SLC26A3: variants seen among roughly 807,000 people sequenced by gnomAD.
SLC26A3 encodes the protein solute carrier family 26 member 3.
Under a neutral mutation model 85.6 loss-of-function variants are expected in SLC26A3, and 64 were observed. That is an observed-to-expected ratio of 0.75 (90% CI 0.61 to 0.92). The LOEUF (loss-of-function observed/expected upper bound fraction) is 0.92. Ranked by LOEUF, SLC26A3 falls within the 40% of genes least tolerant of loss-of-function variation. The pLI is 0.00. For synonymous variants in SLC26A3, 349 were observed against 336.0 expected, an observed-to-expected ratio of 1.04 and a Z score of -0.42; for missense variants, 922 against 927.3, an observed-to-expected ratio of 0.99 and a Z score of 0.07.
At chr7:107,796,726 G>T (rs573257165) in intron 1 of SLC26A3, among the ~76,000 whole-genome samples, 5 of 148,574 alleles carry the variant, frequency 3.4e-5, no homozygotes, top group Non-Finnish European at 7.4e-5. Flanking sequence ...AGGGTATCTG[G>T]AATATCTTAT....
intron 11 of SLC26A3, among the ~76,000 whole-genome samples, chr7:107,782,364 G>A (rs1794226857): frequency 6.6e-6 from 1 of 152,166 alleles, no homozygotes; most frequent in African/African-American, 2.4e-5. Flanking sequence ...TGTTGGTCTT[G>A]GAGTTAAACC....
chr7:107,790,767 A>G (rs1346108282), intron 5 of SLC26A3, among the ~76,000 whole-genome samples: 4 of 151,690 alleles, frequency 2.6e-5, no homozygotes, highest in Non-Finnish European at 5.9e-5. Context: ...ATCAATTCCC[A>G]GATATATGTT....
chr7:107,790,896 GA>G, intron 5 of SLC26A3, 151 bp downstream of exon 5: 1 of 812,156 alleles, frequency 1.2e-6, no homozygotes, highest in Non-Finnish European at 2.1e-6. Flanking sequence ...TGTGGTGAGT[GA>G]CCCTTCGTAC....
chr7:107,786,806 C>A (rs781523862), intron 8 of SLC26A3, 21 bp downstream of exon 8: 49 of 1,596,724 alleles, frequency 3.1e-5, no homozygotes, highest in Non-Finnish European at 3.6e-5. Context: ...ATGGTGATGC[C>A]ATCATCGAAG....
chr7:107,782,803 T>C lies in SLC26A3; in HGVS notation c.1305A>G (p.Leu435=). 1 of 1,613,860 alleles carries C rather than the reference T, an allele frequency of 6.2e-7. No individual in the cohort carries two copies. Among genetic ancestry groups the C allele is most frequent in the Non-Finnish European group, 8.5e-7 (1 of 1,179,778 alleles). ...TATCCAAAGACAGTGTTACCTTTTG[T>C]AGAGGCGCCAGGAGAAATCCAATGG... ...VLAIGFLLAP[L]QKSVLAALAL... is the part of the protein sequence containing the mutation. Residue 435 remains leucine, a synonymous_variant, in exon 11 of 21, where the codon CTA becomes CTG. Coordinates refer to ENST00000340010, the MANE Select transcript of SLC26A3 (RefSeq NM_000111.3).
chr7:107,794,092 A>G (rs1349798287), intron 2 of SLC26A3, among the ~76,000 whole-genome samples: 2 of 152,112 alleles, frequency 1.3e-5, no homozygotes, highest in South Asian at 2.1e-4. Context: ...TAATAGACCT[A>G]TTTGTCATCC....
At chr7:107,778,949 C>A (rs986316046) in intron 12 of SLC26A3, among the ~76,000 whole-genome samples, 1 of 152,040 alleles carries the variant, frequency 6.6e-6, no homozygotes, top group South Asian at 2.1e-4. Flanking sequence ...TAGGATGGCA[C>A]CATTGCACTC....
chr7:107,793,229 A>G (rs1004884117), intron 3 of SLC26A3, among the ~76,000 whole-genome samples: 6 of 152,218 alleles, frequency 3.9e-5, no homozygotes, highest in Non-Finnish European at 7.3e-5. Flanking sequence ...AGCAATTACA[A>G]TCCTAGTGAT....
chr7:107,774,674 CTTGT>C, intron 16 of SLC26A3, 99 bp downstream of exon 16: 1 of 882,436 alleles, frequency 1.1e-6, no homozygotes, highest in South Asian at 1.3e-5. Context: ...CATGAAATCC[CTTGT>C]TTATCTGGCA....
intron 11 of SLC26A3, among the ~76,000 whole-genome samples, chr7:107,782,184 G>C (rs1245421318): frequency 2.6e-5 from 4 of 152,140 alleles, no homozygotes; most frequent in Non-Finnish European, 4.4e-5. Flanking sequence ...CTGTCATCTT[G>C]TTTCCTAGAG....
intron 12 of SLC26A3, 40 bp from the exon 13 acceptor site, chr7:107,778,321 G>T: frequency 5.7e-6 from 6 of 1,049,968 alleles, no homozygotes; most frequent in South Asian, 1.3e-5. Context: ...AATTTACTTT[G>T]ATTAAAGTAC....
intron 1 of SLC26A3, among the ~76,000 whole-genome samples, chr7:107,800,555 G>A (rs985103159): frequency 6.6e-6 from 1 of 152,166 alleles, no homozygotes; most frequent in Non-Finnish European, 1.5e-5. Flanking sequence ...TACATTATTT[G>A]TTTATGTTTC....
intron 13 of SLC26A3, among the ~76,000 whole-genome samples, chr7:107,777,940 G>T (rs1794146875): frequency 6.6e-6 from 1 of 152,240 alleles, no homozygotes; most frequent in African/African-American, 2.4e-5. Context: ...TGGAGTCAAA[G>T]CCAGAAGCAG....
intron 18 of SLC26A3, among the ~76,000 whole-genome samples, chr7:107,770,425 A>ATT (rs755510664): frequency 3.2e-4 from 41 of 127,552 alleles, no homozygotes; most frequent in African/African-American, 1.0e-3. Flanking sequence ...CCCAGCTAAC[A>ATT]TTTTTTTTTT....
At chr7:107,780,870 T>G (rs1401669329) in intron 11 of SLC26A3, among the ~76,000 whole-genome samples, 1 of 152,184 alleles carries the variant, frequency 6.6e-6, no homozygotes, top group African/African-American at 2.4e-5. Context: ...ACTATACTAA[T>G]GTATAGTACT....
At position 107,793,813 on chromosome 7, in the gene SLC26A3, TATGCTGGCAACCAAG is replaced by T. The variant is rs1420022488; in HGVS notation, c.185_199del (p.Ser62_Ala66del). ...ACTGAGCAACCATTCTTTAAGCCGG[TATGCTGGCAACCAAG>T]ATGCTATGGGGAACAAAGAGAGGAC... is the stretch of plus-strand genomic sequence containing the variant. On this transcript the variant is annotated inframe_deletion, in exon 3 of 21. Coordinates refer to ENST00000340010, the MANE Select transcript of SLC26A3 (RefSeq NM_000111.3). 4 of 1,613,998 alleles carry T rather than the reference TATGCTGGCAACCAAG, an allele frequency of 2.5e-6. No homozygotes were observed. Among genetic ancestry groups the T allele is most frequent in the Non-Finnish European group, 3.4e-6 (4 of 1,179,988 alleles).
At position 107,781,283 on chromosome 7, in the gene SLC26A3, A is replaced by G. The variant is rs368094299; in HGVS notation, c.1311+1514T>C. Among the ~76,000 whole-genome samples the G allele has an allele frequency of 2.6e-5, 4 of 152,294 alleles. No individual in the cohort carries two copies. The East Asian group carries it at 7.7e-4, about 29-fold the overall frequency. On this transcript the variant is annotated intron_variant, in intron 11 of 20. Transcript: ENST00000340010. Reference sequence around the variant, plus strand: ...TGCAGTGAGCACTCAATAAATACCTATTATGAGCTTTTATTATGGGTTATT... The same window carrying G: ...TGCAGTGAGCACTCAATAAATACCTGTTATGAGCTTTTATTATGGGTTATT...
intron 17 of SLC26A3, among the ~76,000 whole-genome samples, chr7:107,772,313 C>G (rs193264789): frequency 2.0e-4 from 30 of 152,228 alleles, no homozygotes; most frequent in African/African-American, 7.2e-4. Flanking sequence ...AACCCTTCTC[C>G]TCAGTAAGAA....
intron 2 of SLC26A3, 91 bp from the exon 3 acceptor site, chr7:107,793,972 G>T: frequency 6.6e-7 from 1 of 1,515,506 alleles, no homozygotes; most frequent in Non-Finnish European, 9.1e-7. Flanking sequence ...ATGGTAATAT[G>T]CTAAAGATTA....
Sources: gnomAD v4.1 joint callset for allele counts (sites outside exome capture counted in the v4.1 genomes callset) on GRCh38, gnomAD v4.1.1 for gene constraint, MANE v1.5 for transcripts, NCBI Gene and HGNC (gene_info 2026-07-23, HGNC 2026-07-21) for gene names.